RASA1: variants seen among roughly 807,000 people sequenced by gnomAD.
RASA1 encodes the protein RAS p21 protein activator 1, also known as ras GTPase-activating protein 1.
A neutral mutation model predicts 132.2 loss-of-function variants in RASA1; 25 were observed. The observed-to-expected ratio is 0.19, with a 90% CI of 0.14 to 0.26. The LOEUF is 0.26. Ranked by LOEUF, RASA1 falls within the 10% of genes least tolerant of loss-of-function variation. The pLI, the probability that RASA1 is intolerant of heterozygous loss-of-function variation, is 1.00. For missense variants in RASA1, 964 were observed against 1,299.2 expected (o/e 0.74, Z 3.97); for synonymous variants, 477 against 449.9 (o/e 1.06, Z -0.76).
Position 87,268,710 on chromosome 5 carries a change from A to T in RASA1, c.259A>T (p.Thr87Ser), listed in dbSNP as rs147942393. The change falls in exon 1 of 25, where the codon ACA becomes TCA. Residue 87 changes from threonine to serine, a missense_variant. Thr to Ser is a moderately conservative substitution (Grantham distance 58). Coordinates refer to ENST00000274376, the MANE Select transcript of RASA1 (RefSeq NM_002890.3). ...VAGALGGAGL[T>S]GGGTAAGVAG... ...AGGGGCACTGGGGGGAGCTGGACTGACAGGGGGAGGTACTGCTGCTGGCGT... is the reference window on the plus strand; with the variant it reads ...AGGGGCACTGGGGGGAGCTGGACTGTCAGGGGGAGGTACTGCTGCTGGCGT... The T allele has an allele frequency of 5.0e-6, 8 of 1,612,118 alleles. No homozygotes were observed. In the African/African-American group the frequency reaches 1.1e-4, roughly 22 times the overall value.
chr5:87,329,491 A>G (rs183824162), intron 1 of RASA1, among the ~76,000 whole-genome samples: 5 of 152,190 alleles, frequency 3.3e-5, no homozygotes, highest in Admixed American at 1.3e-4. Context: ...AAACATATAT[A>G]TTACTTAAAA....
At chr5:87,274,184 T>C (rs2112233515) in intron 1 of RASA1, among the ~76,000 whole-genome samples, 1 of 152,304 alleles carries the variant, frequency 6.6e-6, no homozygotes, top group African/African-American at 2.4e-5. Context: ...GCCTTTGCTA[T>C]TGCAGTATTT....
intron 1 of RASA1, among the ~76,000 whole-genome samples, chr5:87,327,507 G>C (rs932262162): frequency 2.0e-5 from 3 of 152,192 alleles, no homozygotes; most frequent in Non-Finnish European, 4.4e-5. Flanking sequence ...GATTTGGTAT[G>C]TTTAGGGTGG....
intron 1 of RASA1, among the ~76,000 whole-genome samples, chr5:87,298,412 C>CAAAAA (rs1255095778): frequency 6.8e-5 from 4 of 58,908 alleles, no homozygotes; most frequent in Admixed American, 2.0e-4. Flanking sequence ...GACTCTGTCT[C>CAAAAA]AAAAAAAAAA....
At position 87,331,351 on chromosome 5, in the gene RASA1, G is replaced by A. The variant is rs772301300; in HGVS notation, c.543G>A (p.Trp181Ter). ...IPLTAPPTNQWYHGKLDRTIA... is the reference protein window; with the variant it reads ...IPLTAPPTNQ ...ATCTTCTCTGTTTTTCCCCTAGGTG[G>A]TATCACGGAAAACTTGACAGAACGA... is the stretch of plus-strand genomic sequence containing the variant. The change falls in exon 2 of 25, where the codon TGG (tryptophan) becomes TGA (stop). Residue 181 changes from tryptophan (W) to a stop codon, truncating the protein, a stop_gained. Transcript: ENST00000274376. LOFTEE classifies it high-confidence loss of function. 1 of 1,603,716 alleles carries A rather than the reference G, an allele frequency of 6.2e-7. No homozygotes were observed.
At chr5:87,282,356 T>G (rs1180375430) in intron 1 of RASA1, among the ~76,000 whole-genome samples, 2 of 152,244 alleles carry the variant, frequency 1.3e-5, no homozygotes, top group African/African-American at 4.8e-5. Flanking sequence ...GGTTGACAAT[T>G]CTTTTCTTTC....
At chr5:87,286,298 C>G (rs918971205) in intron 1 of RASA1, among the ~76,000 whole-genome samples, 1 of 151,990 alleles carries the variant, frequency 6.6e-6, no homozygotes, top group Admixed American at 6.6e-5. Flanking sequence ...ATTTCCTTTA[C>G]TTTGATTCAC....
chr5:87,365,019 T>C (rs556207971), intron 11 of RASA1, among the ~76,000 whole-genome samples: 1 of 152,160 alleles, frequency 6.6e-6, no homozygotes, highest in Non-Finnish European at 1.5e-5. Context: ...TAAATGTAGT[T>C]TATTATCGTG....
chr5:87,381,877 C>G (rs1238551963), intron 20 of RASA1, among the ~76,000 whole-genome samples: 1 of 152,168 alleles, frequency 6.6e-6, no homozygotes, highest in Non-Finnish European at 1.5e-5. Flanking sequence ...CATAGACCTA[C>G]TATGTATAAT....
chr5:87,325,671 G>A (rs1244019288), intron 1 of RASA1, among the ~76,000 whole-genome samples: 1 of 152,222 alleles, frequency 6.6e-6, no homozygotes, highest in Non-Finnish European at 1.5e-5. Context: ...CAAGTGGAAA[G>A]TAAAAGTAAT....
intron 4 of RASA1, among the ~76,000 whole-genome samples, chr5:87,334,326 T>C (rs1757806551): frequency 6.6e-6 from 1 of 152,182 alleles, no homozygotes; most frequent in Non-Finnish European, 1.5e-5. Context: ...GGGATGAATT[T>C]CTTCCTCCTC....
At chr5:87,316,379 A>G (rs1471075201) in intron 1 of RASA1, among the ~76,000 whole-genome samples, 2 of 152,252 alleles carry the variant, frequency 1.3e-5, no homozygotes, top group Non-Finnish European at 2.9e-5. Context: ...AAAAGACAGT[A>G]ATGGATAGCT....
At chr5:87,299,635 A>G (rs1028162170) in intron 1 of RASA1, 1 of 146,980 alleles carries the variant, frequency 6.8e-6, no homozygotes, top group Non-Finnish European at 1.5e-5. Context: ...CGCATCTCCC[A>G]TAGTTAACCG....
rs1762486659 is a variant in RASA1, at chr5:87,391,158, A to T, written c.*275A>T. Reference sequence around the variant, plus strand: ...GTACAGACCACCTTTCACAAAACGAAATGCTATGACTGTATCTTGATATCT... The same window carrying T: ...GTACAGACCACCTTTCACAAAACGATATGCTATGACTGTATCTTGATATCT... On this transcript the variant is annotated 3_prime_UTR_variant, in exon 25 of 25. Coordinates refer to ENST00000274376, the MANE Select transcript of RASA1 (RefSeq NM_002890.3). 3.6e-6 allele frequency: 2 copies of T among 559,588 alleles called. No homozygotes were observed. The highest frequency in any genetic ancestry group is 4.3e-5 in the South Asian group (2 of 46,906). The allele number at this position is 559,588 out of a possible 1,614,324, so 34.7% of individuals were successfully genotyped here.
chr5:87,369,395 T>C (rs1760762382), intron 11 of RASA1, among the ~76,000 whole-genome samples: 1 of 152,104 alleles, frequency 6.6e-6, no homozygotes, highest in Non-Finnish European at 1.5e-5. Flanking sequence ...TTAGAAAAAT[T>C]TGAAAATACA....
chr5:87,391,509 T>C lies in RASA1; in HGVS notation c.*626T>C, dbSNP rs898354138. The stretch of plus-strand genomic sequence containing the variant: ...AGAATGATCTATTGCTCATCAGCTT[T>C]ATTTTTTAAACATACGACTTATTTT... On this transcript the variant is annotated 3_prime_UTR_variant, in exon 25 of 25. Transcript: ENST00000274376. The C allele has an allele frequency of 6.3e-5, 15 of 237,954 alleles. No individual in the cohort carries two copies. The highest frequency in any genetic ancestry group is 8.3e-6 in the Non-Finnish European group (1 of 120,422). 14.7% of individuals were successfully genotyped at this position (237,954 alleles called of 1,614,324 possible).
chr5:87,346,402 A>T (rs1361515587), intron 6 of RASA1, among the ~76,000 whole-genome samples: 1 of 151,968 alleles, frequency 6.6e-6, no homozygotes, highest in Non-Finnish European at 1.5e-5. Flanking sequence ...ACAGTCTGTT[A>T]TTATCAGGAT....
intron 1 of RASA1, among the ~76,000 whole-genome samples, chr5:87,321,910 A>C (rs1053499857): frequency 2.0e-5 from 3 of 152,240 alleles, no homozygotes; most frequent in African/African-American, 7.2e-5. Flanking sequence ...GCCTTGGTGC[A>C]GATGAAAGGA....
intron 9 of RASA1, among the ~76,000 whole-genome samples, chr5:87,355,975 T>C (rs1013060984): frequency 2.0e-5 from 3 of 152,210 alleles, no homozygotes; most frequent in African/African-American, 7.2e-5. Context: ...ACTTTTGTGA[T>C]GAAACTGGAG....
Sources: allele counts gnomAD v4.1 joint callset (sites outside exome capture counted in the v4.1 genomes callset), GRCh38; gene constraint gnomAD v4.1.1; transcripts MANE v1.5; gene names NCBI Gene and HGNC (gene_info 2026-07-23, HGNC 2026-07-21).